The following ZFC3H1 variants were observed in gnomAD, a reference collection of about 807,000 sequenced individuals.
ZFC3H1 encodes the protein zinc finger C3H1 domain-containing protein.
Under a neutral mutation model 243.7 loss-of-function variants are expected in ZFC3H1, and 71 were observed. The observed-to-expected ratio is 0.29, with a 90% CI of 0.24 to 0.36. The LOEUF (loss-of-function observed/expected upper bound fraction) is 0.36, where lower values mean the gene tolerates loss of function less well. ZFC3H1 is among the 10% of genes least tolerant of loss of function. The probability of loss-of-function intolerance (pLI) is 1.00; values close to 1 mark genes in which losing one functional copy is unlikely to be tolerated. For synonymous variants in ZFC3H1, 838 were observed against 813.0 expected, an observed-to-expected ratio of 1.03 and a Z score of -0.52; for missense variants, 1,966 against 2,317.1, an observed-to-expected ratio of 0.85 and a Z score of 3.11.
chr12:71,625,305 T>G (rs1314924372), intron 22 of ZFC3H1, among the ~76,000 whole-genome samples: 1 of 152,224 alleles, frequency 6.6e-6, no homozygotes, highest in Non-Finnish European at 1.5e-5. Flanking sequence ...TATCTGAAAC[T>G]AATGGCTCCC....
At chr12:71,658,895 C>T (rs1881091060) in intron 1 of ZFC3H1, among the ~76,000 whole-genome samples, 1 of 152,144 alleles carries the variant, frequency 6.6e-6, no homozygotes, top group Admixed American at 6.5e-5. Context: ...TGGTTTCTGT[C>T]CCATTAATCT....
chr12:71,658,230 A>G lies in ZFC3H1; in HGVS notation c.599-929T>C, dbSNP rs189100268. On this transcript the variant is annotated intron_variant, in intron 1 of 34. Transcript: ENST00000378743. ...TATACCTCATTTTTCCAGGCCAGAT[A>G]TTAGCAAGAGAAAAGACAGTACCTC... Among the ~76,000 whole-genome samples, 8 of 150,636 alleles carry G rather than the reference A, an allele frequency of 5.3e-5. No homozygotes were observed. In the East Asian group the frequency reaches 1.6e-3, roughly 30 times the overall value.
Position 71,610,484 on chromosome 12 carries a change from T to C in ZFC3H1, c.5914A>G (p.Ser1972Gly), listed in dbSNP as rs1486286696. 1.2e-6 allele frequency: 2 copies of C among 1,613,580 alleles called. No individual in the cohort carries two copies. The highest frequency in any genetic ancestry group is 1.7e-5 in the Admixed American group (1 of 59,992). ...LVSKCQEIGV[S>G]LNELLNLNSN... ...TTTAAATTTAAGAGCTCATTTAGGCTGACTCCAATCTCTTGGCACTTGGAA... is the reference window on the plus strand; with the variant it reads ...TTTAAATTTAAGAGCTCATTTAGGCCGACTCCAATCTCTTGGCACTTGGAA... The change falls in exon 35 of 35, where the codon AGC becomes GGC. Residue 1972 changes from serine (S) to glycine (G), a missense_variant. Transcript: ENST00000378743.
In ZFC3H1 at chr12:71,663,087, G is replaced by A. The variant is rs755489446; in HGVS notation, c.524C>T (p.Pro175Leu). The change falls in exon 1 of 35, where the codon CCT (proline) becomes CTT (leucine). Residue 175 changes from proline (P) to leucine (L), a missense_variant. Physicochemically the swap from Pro to Leu is moderately conservative, Grantham distance 98 (BLOSUM62 -3). Transcript: ENST00000378743. ...ERGGKPGCRP[P>L]LGGGAGSGFS... ...CCCGGATCCTGCTCCTCCTCCCAGA[G>A]GAGGTCTGCACCCCGGCTTGCCTCC... The A allele has an allele frequency of 1.2e-5, 20 of 1,613,920 alleles. No individual in the cohort carries two copies. In the African/African-American group the frequency reaches 2.4e-4, roughly 19 times the overall value.
At position 71,620,203 on chromosome 12, in the gene ZFC3H1, G is replaced by A; in HGVS notation, c.4850+7C>T. On this transcript the variant is annotated splice_region_variant and intron_variant, in intron 25 of 34. Coordinates refer to ENST00000378743, the MANE Select transcript of ZFC3H1 (RefSeq NM_144982.5). Reference sequence around the variant, plus strand: ...ATAAGGTTAGCTGCTTGGCAATTAAGTTGTACCTCTCCAGGAGTTGGTGCA... The same window carrying A: ...ATAAGGTTAGCTGCTTGGCAATTAAATTGTACCTCTCCAGGAGTTGGTGCA... 1 of 1,614,066 alleles carries A rather than the reference G, an allele frequency of 6.2e-7. No homozygotes were observed. The highest frequency in any genetic ancestry group is 8.5e-7 in the Non-Finnish European group (1 of 1,179,972).
intron 24 of ZFC3H1, 75 bp from the exon 25 acceptor site, chr12:71,620,390 C>G: frequency 1.4e-6 from 2 of 1,457,302 alleles, no homozygotes; most frequent in Non-Finnish European, 1.9e-6. Flanking sequence ...TACTTCAACT[C>G]TGAGAGACCA....
chr12:71,658,995 C>A (rs1457891649), intron 1 of ZFC3H1, among the ~76,000 whole-genome samples: 2 of 152,122 alleles, frequency 1.3e-5, no homozygotes, highest in Non-Finnish European at 2.9e-5. Context: ...ACACCATAAA[C>A]CACTTCTCTC....
intron 24 of ZFC3H1, 65 bp downstream of exon 24, chr12:71,623,295 T>C: frequency 2.4e-6 from 3 of 1,250,590 alleles, no homozygotes; most frequent in South Asian, 1.6e-5. Context: ...CAATAATGGG[T>C]AGTTAATGTT....
At chr12:71,637,416 G>A (rs923311366) in intron 7 of ZFC3H1, among the ~76,000 whole-genome samples, 5 of 152,094 alleles carry the variant, frequency 3.3e-5, no homozygotes, top group Admixed American at 2.0e-4. Context: ...AGCAAGTAGA[G>A]GTACTGAAAC....
At chr12:71,622,774 G>T (rs187667488) in intron 24 of ZFC3H1, among the ~76,000 whole-genome samples, 1 of 152,052 alleles carries the variant, frequency 6.6e-6, no homozygotes, top group Non-Finnish European at 1.5e-5. Context: ...TCTCTTTTAC[G>T]TAGCATACAA....
At chr12:71,616,882 C>G (rs1402609507) in intron 27 of ZFC3H1, among the ~76,000 whole-genome samples, 1 of 152,110 alleles carries the variant, frequency 6.6e-6, no homozygotes, top group Non-Finnish European at 1.5e-5. Flanking sequence ...CTGAGATGGT[C>G]AGAAGAGATG....
At chr12:71,633,522 AC>A in intron 12 of ZFC3H1, 84 bp from the exon 13 acceptor site, 1 of 1,145,360 alleles carries the variant, frequency 8.7e-7, no homozygotes, top group Non-Finnish European at 1.2e-6. Context: ...AAGTAATAAC[AC>A]AATTTTTAAA....
chr12:71,640,834 C>T (rs1020306073), intron 6 of ZFC3H1, among the ~76,000 whole-genome samples: 2 of 152,050 alleles, frequency 1.3e-5, no homozygotes, highest in African/African-American at 4.8e-5. Context: ...AGATCCTAAA[C>T]TAGTTTTTTA....
intron 6 of ZFC3H1, among the ~76,000 whole-genome samples, chr12:71,640,848 T>C (rs1278562991): frequency 6.6e-6 from 1 of 151,958 alleles, no homozygotes. Context: ...TTTTTTACCG[T>C]ATTTGAATTC....
intron 32 of ZFC3H1, 70 bp from the exon 33 acceptor site, chr12:71,611,167 T>C: frequency 7.1e-7 from 1 of 1,414,712 alleles, no homozygotes; most frequent in Non-Finnish European, 9.3e-7. Context: ...TTGAACAAAA[T>C]GAAACACCAC....
rs1592589713 is a variant in ZFC3H1 at position 71,627,924 on chromosome 12, T to C, written c.3957A>G (p.Pro1319=). 1.2e-6 allele frequency: 2 copies of C among 1,611,916 alleles called. No homozygotes were observed. Among genetic ancestry groups the C allele is most frequent in the African/African-American group, 2.7e-5 (2 of 74,842 alleles). Residue 1319 remains proline, a synonymous_variant, in exon 21 of 35, where the codon CCA becomes CCG. Transcript: ENST00000378743. ...GAGCTGGAACATTTATTTGGTTCTC[T>C]GGCTGGAAAGCTATTTAAAAAAAAA... The part of the protein sequence containing the change: ...STGPIKYAFQ[P]ENQINVPALD...
chr12:71,620,715 CCA>C (rs1880004855), intron 24 of ZFC3H1, among the ~76,000 whole-genome samples: 6 of 152,174 alleles, frequency 3.9e-5, no homozygotes, highest in Admixed American at 3.9e-4. Context: ...CTCTGCTGCC[CCA>C]CAGCCATTTG....
intron 3 of ZFC3H1, among the ~76,000 whole-genome samples, chr12:71,647,293 C>G (rs1211335195): frequency 6.6e-6 from 1 of 152,100 alleles, no homozygotes; most frequent in Non-Finnish European, 1.5e-5. Context: ...ACCCAGATAA[C>G]AGAAGACATT....
chr12:71,625,821 A>C (rs77618350), intron 22 of ZFC3H1, among the ~76,000 whole-genome samples: 1 of 152,328 alleles, frequency 6.6e-6, no homozygotes, highest in East Asian at 1.9e-4. Flanking sequence ...TTATTTCTAT[A>C]AGCAATGGAA....
Sources: gnomAD v4.1 joint callset for allele counts (sites outside exome capture counted in the v4.1 genomes callset) on GRCh38, gnomAD v4.1.1 for gene constraint, MANE v1.5 for transcripts, NCBI Gene and HGNC (gene_info 2026-07-23, HGNC 2026-07-21) for gene names.